The following NCALD variants were observed in gnomAD, a reference collection of about 807,000 sequenced individuals.
NCALD encodes the protein neurocalcin delta.
Under a neutral mutation model 18.6 loss-of-function variants are expected in NCALD, and 10 were observed. That is an observed-to-expected ratio of 0.54 (90% CI 0.33 to 0.91). NCALD has a LOEUF of 0.91. NCALD is among the 40% of genes least tolerant of loss of function. The pLI is 0.03. For synonymous variants in NCALD, 88 were observed against 87.4 expected, an observed-to-expected ratio of 1.01 and a Z score of -0.04; for missense variants, 184 against 247.6, an observed-to-expected ratio of 0.74 and a Z score of 1.72.
intron 1 of NCALD, among the ~76,000 whole-genome samples, chr8:101,767,627 C>T (rs1001438175): frequency 6.6e-6 from 1 of 152,254 alleles, no homozygotes; most frequent in African/African-American, 2.4e-5. Context: ...TGGACCCTAA[C>T]CCTCTTCTAC....
At chr8:102,050,167 T>TAAAAAAAAAAA (rs1823389611) in intron 1 of NCALD, among the ~76,000 whole-genome samples, 1 of 6,898 alleles carries the variant, frequency 1.4e-4, no homozygotes, top group Non-Finnish European at 2.3e-4. Flanking sequence ...AGACTCCGTC[T>TAAAAAAAAAAA]CAAAAAAAAA....
At chr8:101,712,330 C>G (rs1815834174) in intron 2 of NCALD, among the ~76,000 whole-genome samples, 1 of 152,164 alleles carries the variant, frequency 6.6e-6, no homozygotes, top group African/African-American at 2.4e-5. Context: ...ACCGTCAACA[C>G]TATGAAGAAA....
Position 101,719,616 on chromosome 8 carries a change from TTC to T in NCALD, c.12_13del (p.Asn5GlnfsTer21). The T allele has an allele frequency of 6.3e-7, 1 of 1,578,680 alleles. No individual in the cohort carries two copies. On this transcript the variant is annotated frameshift_variant, in exon 2 of 4. Transcript: ENST00000220931. LOFTEE classifies it high-confidence loss of function. ...CATGACCTCCGGGCGCAGCTTGCTG[TTC>T]TGTTTCCCCATCCTGGCGGCAAGAA...
chr8:101,863,198 T>G (rs916811903), intron 4 of NCALD, among the ~76,000 whole-genome samples: 3 of 152,222 alleles, frequency 2.0e-5, no homozygotes, highest in African/African-American at 7.2e-5. Context: ...CTGGGAATCA[T>G]TCTCATGGTG....
At chr8:101,804,854 T>C (rs924956290) in intron 4 of NCALD, among the ~76,000 whole-genome samples, 1 of 151,654 alleles carries the variant, frequency 6.6e-6, no homozygotes, top group Non-Finnish European at 1.5e-5. Context: ...ACTTTCACTT[T>C]ATTGCAGTGG....
intron 4 of NCALD, among the ~76,000 whole-genome samples, chr8:101,802,452 G>A (rs1812905418): frequency 6.6e-6 from 1 of 152,084 alleles, no homozygotes; most frequent in Admixed American, 6.5e-5. Flanking sequence ...GACTTAGTGA[G>A]AAAAGCGTGT....
At chr8:102,003,531 G>C (rs1399598152) in intron 2 of NCALD, among the ~76,000 whole-genome samples, 1 of 152,216 alleles carries the variant, frequency 6.6e-6, no homozygotes, top group East Asian at 1.9e-4. Context: ...CTCATTTTAT[G>C]AGGCCAGCAT....
chr8:101,688,889 C>G lies in NCALD; in HGVS notation c.*420G>C. 3.2e-6 allele frequency: 2 copies of G among 625,942 alleles called. No individual in the cohort carries two copies. The highest frequency in any genetic ancestry group is 5.7e-6 in the Non-Finnish European group (2 of 350,928). The allele number at this position is 625,942 out of a possible 1,614,324, so 38.8% of individuals were successfully genotyped here. ...CATCCGGTGCCATCCATCACCCCTA[C>G]GGCACGTGTGACAACAGATTCAGGT... On this transcript the variant is annotated 3_prime_UTR_variant, in exon 4 of 4. Transcript: ENST00000220931.
intron 3 of NCALD, among the ~76,000 whole-genome samples, chr8:101,892,475 C>T (rs1264946): frequency 0.34 from 49,744 of 146,002 alleles, 11,766 homozygotes; most frequent in African/African-American, 0.61. Context: ...TCCAAAGGAA[C>T]GCAGTTCCTC....
intron 2 of NCALD, among the ~76,000 whole-genome samples, chr8:101,998,121 C>T (rs1262848869): frequency 6.6e-6 from 1 of 152,128 alleles, no homozygotes; most frequent in Admixed American, 6.5e-5. Context: ...TAAAGATCAA[C>T]ACCTTTTTCA....
At chr8:102,062,077 G>A (rs2132261709) in intron 1 of NCALD, among the ~76,000 whole-genome samples, 1 of 152,320 alleles carries the variant, frequency 6.6e-6, no homozygotes, top group African/African-American at 2.4e-5. Context: ...ATGTAGATAA[G>A]ATCACATCTA....
rs11779440 is a variant in NCALD, at chr8:101,688,908, T to C, written c.*401A>G. ...CCCCTACGGCACGTGTGACAACAGA[T>C]TCAGGTGGGGAGTTTTGTCTTTCAA... is the stretch of plus-strand genomic sequence containing the variant. On this transcript the variant is annotated 3_prime_UTR_variant, in exon 4 of 4. Transcript: ENST00000220931. The C allele has an allele frequency of 0.99, 619,668 of 623,828 alleles. 307,932 individuals carry two copies. Among genetic ancestry groups the C allele is most frequent in the Non-Finnish European group, 1 (350,896 of 351,130 alleles). 38.6% of individuals were successfully genotyped at this position (623,828 alleles called of 1,614,324 possible). A position where few individuals can be genotyped will look rare whatever the true frequency, so the allele number is the denominator to read the frequency against.
intron 4 of NCALD, among the ~76,000 whole-genome samples, chr8:101,799,634 T>C (rs753551579): frequency 1.3e-5 from 2 of 152,172 alleles, no homozygotes; most frequent in Non-Finnish European, 2.9e-5. Context: ...CCAGCATGAA[T>C]ATCTAGAGAA....
intron 4 of NCALD, among the ~76,000 whole-genome samples, chr8:101,857,334 G>A (rs16868566): frequency 0.016 from 2,382 of 152,200 alleles, 70 homozygotes; most frequent in African/African-American, 0.052. Context: ...TGAATTTCCA[G>A]CATGGCTCCT....
At chr8:101,734,867 T>C (rs771939310) in intron 1 of NCALD, among the ~76,000 whole-genome samples, 80 of 152,260 alleles carry the variant, frequency 5.3e-4, no homozygotes, top group Non-Finnish European at 1.9e-4. Context: ...TGATGTTCCT[T>C]AAGCAGAATC....
intron 4 of NCALD, among the ~76,000 whole-genome samples, chr8:101,809,322 GC>G (rs1813222909): frequency 6.6e-6 from 1 of 152,098 alleles, no homozygotes; most frequent in South Asian, 2.1e-4. Context: ...CTGCCTGCCT[GC>G]CTTTTTGCAG....
At chr8:102,047,897 A>T (rs1431966583) in intron 1 of NCALD, among the ~76,000 whole-genome samples, 3 of 151,498 alleles carry the variant, frequency 2.0e-5, no homozygotes, top group African/African-American at 7.4e-5. Flanking sequence ...TGAGGATATG[A>T]TGCTATTTTT....
intron 2 of NCALD, among the ~76,000 whole-genome samples, chr8:101,997,166 T>C (rs1327703518): frequency 6.6e-6 from 1 of 152,242 alleles, no homozygotes; most frequent in East Asian, 1.9e-4. Flanking sequence ...ACTCTCAAAC[T>C]TTATTTAAGC....
intron 1 of NCALD, among the ~76,000 whole-genome samples, chr8:102,063,567 C>T (rs919837092): frequency 5.3e-5 from 8 of 152,196 alleles, no homozygotes; most frequent in African/African-American, 1.7e-4. Context: ...ATTTTTCCAT[C>T]TGTTGCCTCC....
Sources: allele counts gnomAD v4.1 joint callset (sites outside exome capture counted in the v4.1 genomes callset), GRCh38; gene constraint gnomAD v4.1.1; transcripts MANE v1.5; gene names NCBI Gene and HGNC (gene_info 2026-07-23, HGNC 2026-07-21).